Variants in KCNT2 observed in about 807,000 individuals in gnomAD.
The protein encoded by KCNT2 is potassium channel subfamily T member 2.
A neutral mutation model predicts 153.8 loss-of-function variants in KCNT2; 67 were observed. The ratio of observed to expected loss-of-function variants is 0.44; its 90% confidence interval spans 0.36 to 0.53. The LOEUF (loss-of-function observed/expected upper bound fraction) is 0.53. KCNT2 is among the 20% of genes least tolerant of loss of function. The pLI is 0.00. For synonymous variants in KCNT2, 500 were observed against 458.8 expected, an observed-to-expected ratio of 1.09 and a Z score of -1.15; for missense variants, 975 against 1,354.8, an observed-to-expected ratio of 0.72 and a Z score of 4.40.
At chr1:196,491,202 T>C (rs1439377681) in intron 2 of KCNT2, among the ~76,000 whole-genome samples, 1 of 151,992 alleles carries the variant, frequency 6.6e-6, no homozygotes, top group Non-Finnish European at 1.5e-5. Flanking sequence ...TAAGGGAAAC[T>C]ATTCAGATGA....
chr1:196,513,496 T>C (rs534647785), intron 1 of KCNT2, among the ~76,000 whole-genome samples: 2 of 152,332 alleles, frequency 1.3e-5, no homozygotes, highest in South Asian at 4.1e-4. Context: ...CACACTATGA[T>C]ATCGCTTTAT....
intron 22 of KCNT2, among the ~76,000 whole-genome samples, chr1:196,301,520 C>T (rs1661183428): frequency 6.6e-6 from 1 of 152,044 alleles, no homozygotes; most frequent in Non-Finnish European, 1.5e-5. Flanking sequence ...ACTTCTGATA[C>T]CAGTGGAAAC....
At chr1:196,341,704 A>ATT (rs546215845) in intron 15 of KCNT2, among the ~76,000 whole-genome samples, 2 of 151,114 alleles carry the variant, frequency 1.3e-5, no homozygotes, top group African/African-American at 2.4e-5. Context: ...ACCATCAGAG[A>ATT]TTTTTTTTTC....
At chr1:196,394,737 A>G (rs1303886371) in intron 13 of KCNT2, among the ~76,000 whole-genome samples, 1 of 151,548 alleles carries the variant, frequency 6.6e-6, no homozygotes, top group Non-Finnish European at 1.5e-5. Flanking sequence ...AGAGAATTTG[A>G]TGATACATGG....
intron 25 of KCNT2, among the ~76,000 whole-genome samples, chr1:196,265,328 T>C (rs768267148): frequency 2.0e-5 from 3 of 152,236 alleles, no homozygotes; most frequent in Non-Finnish European, 2.9e-5. Flanking sequence ...AAATTTATGC[T>C]GCATTTGCTG....
At chr1:196,404,643 G>A (rs939456005) in intron 12 of KCNT2, among the ~76,000 whole-genome samples, 2 of 151,252 alleles carry the variant, frequency 1.3e-5, no homozygotes, top group African/African-American at 4.8e-5. Flanking sequence ...TCTGACTACT[G>A]GTAAATTAGG....
At chr1:196,251,223 A>T (rs190405925) in intron 26 of KCNT2, among the ~76,000 whole-genome samples, 2 of 152,276 alleles carry the variant, frequency 1.3e-5, no homozygotes, top group East Asian at 3.9e-4. Context: ...CAAGAGATGG[A>T]TGGATAAAGA....
At chr1:196,575,059 A>C (rs931009437) in intron 1 of KCNT2, among the ~76,000 whole-genome samples, 5 of 152,116 alleles carry the variant, frequency 3.3e-5, no homozygotes, top group Non-Finnish European at 5.9e-5. Context: ...GTATAAAGAA[A>C]GTATAAAGGG....
chr1:196,570,846 C>G (rs911430689), intron 1 of KCNT2, among the ~76,000 whole-genome samples: 10 of 152,094 alleles, frequency 6.6e-5, no homozygotes, highest in African/African-American at 2.4e-4. Flanking sequence ...AATTAAAAAA[C>G]AGTTGCCCAT....
chr1:196,474,222 C>G (rs1165372160), intron 5 of KCNT2, among the ~76,000 whole-genome samples: 1 of 152,054 alleles, frequency 6.6e-6, no homozygotes. Context: ...CTGTGCAACC[C>G]TAAAGAGCAC....
chr1:196,382,949 G>T (rs939040440), intron 13 of KCNT2, among the ~76,000 whole-genome samples: 1 of 151,970 alleles, frequency 6.6e-6, no homozygotes, highest in South Asian at 2.1e-4. Flanking sequence ...AAGGATCAGC[G>T]TACATGGAAT....
In KCNT2 at chr1:196,284,249, ATATATATATAT is replaced by A. The variant is rs1433260875; in HGVS notation, c.2697+1397_2697+1407del. Reference sequence around the variant, plus strand: ...CTGTCTTAAAAAAAAAAAAAAAAAAATATATATATATATATATATATATATATATAGTTCTA... The same window carrying A: ...CTGTCTTAAAAAAAAAAAAAAAAAAAATATATATATATATATATAGTTCTA... On this transcript the variant is annotated intron_variant, in intron 23 of 27. Transcript: ENST00000294725. Among the ~76,000 whole-genome samples, 9 of 22,926 alleles carry A rather than the reference ATATATATATAT, an allele frequency of 3.9e-4. 2 individuals are homozygous for A. The highest frequency in any genetic ancestry group is 0.014 in the Middle Eastern group (1 of 70). 15.0% of individuals were successfully genotyped at this position (22,926 alleles called of 152,430 possible).
At chr1:196,387,378 A>G (rs1670084262) in intron 13 of KCNT2, among the ~76,000 whole-genome samples, 1 of 151,970 alleles carries the variant, frequency 6.6e-6, no homozygotes, top group African/African-American at 2.4e-5. Context: ...TCATTTAAAT[A>G]TAACTAACCC....
Position 196,333,904 on chromosome 1 carries a change from A to T in KCNT2, c.1940T>A (p.Leu647Gln). Residue 647 changes from leucine to glutamine, a missense_variant, in exon 17 of 28, where the codon CTA (leucine) becomes CAA (glutamine). By Grantham distance (113) the Leu-to-Gln change is moderately radical (BLOSUM62 -2). This residue lies in a region of KCNT2 where 325 missense variants were observed against 388.1 expected (regional missense o/e 0.84). Coordinates refer to ENST00000294725, the MANE Select transcript of KCNT2 (RefSeq NM_198503.5). ...DTSSIQTCDL[L>Q]SDQSEDETTP... ...AGTTTCATCTTCTGATTGGTCACTTAGAAGATCACATGTTTGAATCGATGA... is the reference window on the plus strand; with the variant it reads ...AGTTTCATCTTCTGATTGGTCACTTTGAAGATCACATGTTTGAATCGATGA... 1 of 1,612,872 alleles carries T rather than the reference A, an allele frequency of 6.2e-7. No individual in the cohort carries two copies. The highest frequency in any genetic ancestry group is 8.5e-7 in the Non-Finnish European group (1 of 1,179,184).
At chr1:196,438,642 G>A (rs1363440761) in intron 8 of KCNT2, among the ~76,000 whole-genome samples, 1 of 151,860 alleles carries the variant, frequency 6.6e-6, no homozygotes, top group African/African-American at 2.4e-5. Context: ...AGGGAAAAAA[G>A]ATTAAGCACT....
intron 16 of KCNT2, among the ~76,000 whole-genome samples, chr1:196,334,951 C>A (rs1189457014): frequency 1.3e-5 from 2 of 152,048 alleles, no homozygotes; most frequent in Non-Finnish European, 2.9e-5. Context: ...GTAAGAATGG[C>A]AAGCCCAAGC....
intron 1 of KCNT2, among the ~76,000 whole-genome samples, chr1:196,561,672 A>AG (rs1284593802): frequency 2.9e-5 from 1 of 34,738 alleles, no homozygotes; most frequent in African/African-American, 3.4e-5. Context: ...AAAAAAAAAA[A>AG]AAAAAGAAGA....
chr1:196,466,623 T>C (rs977107494), intron 7 of KCNT2, among the ~76,000 whole-genome samples: 5 of 152,062 alleles, frequency 3.3e-5, no homozygotes, highest in African/African-American at 1.2e-4. Flanking sequence ...ATATTATGCA[T>C]ATGTATCTGT....
intron 1 of KCNT2, among the ~76,000 whole-genome samples, chr1:196,545,628 G>A (rs1656971512): frequency 6.6e-6 from 1 of 151,868 alleles, no homozygotes; most frequent in Non-Finnish European, 1.5e-5. Context: ...CATTAACAGA[G>A]TCATGCAATC....
Sources: allele counts gnomAD v4.1 joint callset (sites outside exome capture counted in the v4.1 genomes callset), GRCh38; gene constraint gnomAD v4.1.1; regional missense constraint gnomAD v4.1.1; transcripts MANE v1.5; gene names NCBI Gene and HGNC (gene_info 2026-07-23, HGNC 2026-07-21).